COPG2: variants seen among roughly 807,000 people sequenced by gnomAD.
COPG2 encodes coatomer subunit gamma-2.
COPG2 carries 37 observed loss-of-function variants against 46.3 expected under a neutral mutation model. The observed-to-expected ratio is 0.80, with a 90% CI of 0.61 to 1.05. COPG2 has a LOEUF of 1.05. Ranked by LOEUF, COPG2 falls within the 50% of genes least tolerant of loss-of-function variation. The pLI, the probability that COPG2 is intolerant of heterozygous loss-of-function variation, is 0.00. For missense variants in COPG2, 427 were observed against 387.8 expected, an observed-to-expected ratio of 1.10 and a Z score of -0.85; for synonymous variants, 159 against 129.7, an observed-to-expected ratio of 1.23 and a Z score of -1.53.
chr7:130,609,502 T>C (rs1794800321), intron 9 of COPG2, among the ~76,000 whole-genome samples: 1 of 152,256 alleles, frequency 6.6e-6, no homozygotes. Context: ...ATTAAACTTC[T>C]TCCTTTTGTA....
Position 130,550,536 on chromosome 7 carries a change from C to G in COPG2, c.1762G>C (p.Glu588Gln), listed in dbSNP as rs1246401742. The G allele has an allele frequency of 2.6e-6, 1 of 385,056 alleles. No individual in the cohort carries two copies. Among genetic ancestry groups the G allele is most frequent in the Admixed American group, 4.5e-5 (1 of 22,172 alleles). The allele number at this position is 385,056 out of a possible 1,614,324, so 23.9% of individuals were successfully genotyped here. Residue 588 changes from glutamate (E) to glutamine (Q), a missense_variant, in exon 17 of 24, where the codon GAA becomes CAA. Physicochemically the swap from Glu to Gln is conservative, Grantham distance 29 (BLOSUM62 2). Coordinates refer to ENST00000425248, the MANE Select transcript of COPG2 (RefSeq NM_012133.6). ...SIPLAMAPVFEQKAEITLVAT... is the reference protein window; with the variant it reads ...SIPLAMAPVFQQKAEITLVAT... ...GAATAGAGTGAACCTGCTTTCTGTT[C>G]AAAGACAGGAGCCATAGCAAGAGGA...
At chr7:130,660,047 C>G (rs1304766509) in intron 4 of COPG2, among the ~76,000 whole-genome samples, 1 of 152,162 alleles carries the variant, frequency 6.6e-6, no homozygotes, top group Non-Finnish European at 1.5e-5. Context: ...AACTTCAAGA[C>G]AGTAATTACC....
At chr7:130,639,750 G>C (rs1170282368) in intron 5 of COPG2, among the ~76,000 whole-genome samples, 3 of 152,152 alleles carry the variant, frequency 2.0e-5, no homozygotes, top group African/African-American at 7.2e-5. Context: ...TAGTGCTTTG[G>C]TAAATTATCC....
rs148860178 is a variant in COPG2, at chr7:130,661,701, T to C, written c.243+1266A>G. Among the ~76,000 whole-genome samples, 12 of 152,336 alleles carry C rather than the reference T, an allele frequency of 7.9e-5. No individual in the cohort carries two copies. In the East Asian group the frequency reaches 2.3e-3, roughly 29 times the overall value. ...GACCTACAGAAGACAAAGCCTTGGG[T>C]AACTAACTAGTGGATGCCATAGAAG... On this transcript the variant is annotated intron_variant, in intron 4 of 23. Coordinates refer to ENST00000425248, the MANE Select transcript of COPG2 (RefSeq NM_012133.6).
At position 130,644,446 on chromosome 7, in the gene COPG2, C is replaced by T. The variant is rs117474304; in HGVS notation, c.323+8423G>A. ...ACCTAGGAACAAATTCAGGTATGTC[C>T]GGTGAAGATAGGGCTGCTCAAATCA... On this transcript the variant is annotated intron_variant, in intron 5 of 23. Coordinates refer to ENST00000425248, the MANE Select transcript of COPG2 (RefSeq NM_012133.6). Among the ~76,000 whole-genome samples, 161 of 152,190 alleles carry T rather than the reference C, an allele frequency of 1.1e-3. 2 individuals carry two copies. The East Asian group carries it at 0.029, about 27-fold the overall frequency.
chr7:130,593,903 C>T (rs1397437053), intron 9 of COPG2, among the ~76,000 whole-genome samples: 1 of 152,018 alleles, frequency 6.6e-6, no homozygotes, highest in Non-Finnish European at 1.5e-5. Flanking sequence ...AGACACCAAA[C>T]ACATTATTTC....
chr7:130,584,289 T>C (rs1462993141), intron 9 of COPG2, among the ~76,000 whole-genome samples: 4 of 151,960 alleles, frequency 2.6e-5, no homozygotes, highest in East Asian at 1.9e-4. Context: ...CTCAGCAAAA[T>C]TGGTATACAA....
chr7:130,632,667 A>C (rs1795254102), intron 5 of COPG2, among the ~76,000 whole-genome samples: 2 of 150,994 alleles, frequency 1.3e-5, no homozygotes, highest in African/African-American at 4.9e-5. Context: ...GTTGGGATTT[A>C]TTTCTACTGG....
In COPG2 at chr7:130,668,721, G is replaced by A. The variant is rs368717422; in HGVS notation, c.-53C>T. The A allele has an allele frequency of 2.1e-4, 309 of 1,501,862 alleles. 1 individual carries two copies. Among genetic ancestry groups the A allele is most frequent in the Middle Eastern group, 1.7e-4 (1 of 5,820 alleles). The allele number at this position is 1,501,862 out of a possible 1,614,324, so 93.0% of individuals were successfully genotyped here. On this transcript the variant is annotated 5_prime_UTR_variant, in exon 1 of 24. Coordinates refer to ENST00000425248, the MANE Select transcript of COPG2 (RefSeq NM_012133.6). The stretch of plus-strand genomic sequence containing the variant: ...CACCGCAACCGTCCCAGGCGCCGCA[G>A]CCGGCGAGCGGAAGAGGCTGCAGGA...
chr7:130,563,338 T>TA lies in COPG2; in HGVS notation c.872-3dup, dbSNP rs1213133423. 14 of 391,598 alleles carry TA rather than the reference T, an allele frequency of 3.6e-5. No homozygotes were observed. Among genetic ancestry groups the TA allele is most frequent in the Non-Finnish European group, 4.5e-5 (10 of 222,352 alleles). The allele number at this position is 391,598 out of a possible 1,614,324, so 24.3% of individuals were successfully genotyped here. A position where few individuals can be genotyped will look rare whatever the true frequency, so the allele number is the denominator to read the frequency against. On this transcript the variant is annotated splice_region_variant and splice_polypyrimidine_tract_variant and intron_variant, in intron 10 of 23. Transcript: ENST00000425248. ...GAGAACTACAGAAAAGTTGAAGAAC[T>TA]AAAAAAAAATAATAATAATAATATG...
intron 9 of COPG2, among the ~76,000 whole-genome samples, chr7:130,591,607 G>A (rs1350504163): frequency 5.4e-4 from 75 of 138,962 alleles, no homozygotes; most frequent in Non-Finnish European, 1.0e-3. Flanking sequence ...AGGTGGGGGG[G>A]TCAGCCCCGC....
At chr7:130,528,632 G>A (rs991853626) in intron 20 of COPG2, among the ~76,000 whole-genome samples, 117,584 of 150,210 alleles carry the variant, frequency 0.78, 46,478 homozygotes, top group Non-Finnish European at 0.85. Context: ...AAGCAGGAGA[G>A]ACGACCAACC....
intron 9 of COPG2, among the ~76,000 whole-genome samples, chr7:130,585,697 C>G (rs531690059): frequency 6.6e-6 from 1 of 152,062 alleles, no homozygotes; most frequent in South Asian, 2.1e-4. Context: ...TACAAATGAG[C>G]AACGAACATA....
chr7:130,567,697 G>A (rs1793826755), intron 9 of COPG2, among the ~76,000 whole-genome samples: 1 of 152,130 alleles, frequency 6.6e-6, no homozygotes, highest in African/African-American at 2.4e-5. Context: ...CAAGAATTTT[G>A]TATCCAGTGA....
chr7:130,568,215 C>A (rs1158656739), intron 9 of COPG2, among the ~76,000 whole-genome samples: 4 of 152,062 alleles, frequency 2.6e-5, no homozygotes, highest in African/African-American at 9.7e-5. Flanking sequence ...ACGGACGTTG[C>A]GGTGAGCCAA....
chr7:130,618,100 CAAAAAAAA>C (rs10695449), intron 5 of COPG2, among the ~76,000 whole-genome samples: 8 of 64,598 alleles, frequency 1.2e-4, no homozygotes, highest in African/African-American at 4.3e-4. Context: ...GACCCTGTCT[CAAAAAAAA>C]AAAAAAAAAA....
chr7:130,658,676 G>A (rs968358475), intron 4 of COPG2, among the ~76,000 whole-genome samples: 2 of 152,022 alleles, frequency 1.3e-5, no homozygotes, highest in Non-Finnish European at 2.9e-5. Flanking sequence ...TCAGTAAGAT[G>A]ACAACCTGAT....
At position 130,506,748 on chromosome 7, in the gene COPG2, T is replaced by TC. The variant is rs1394581212; in HGVS notation, c.2543dup (p.Val849SerfsTer10). ...TTCTGACAGTCACCTGCATGGTCAC[T>TC]CCATCGGCTAAGGCCAGCCTGGACC... On this transcript the variant is annotated frameshift_variant, in exon 24 of 24. Coordinates refer to ENST00000425248, the MANE Select transcript of COPG2 (RefSeq NM_012133.6). LOFTEE classifies it high-confidence loss of function. 1.3e-6 allele frequency: 1 copy of TC among 780,484 alleles called. No individual in the cohort carries two copies. Among genetic ancestry groups the TC allele is most frequent in the Non-Finnish European group, 2.4e-6 (1 of 417,794 alleles). 48.3% of individuals were successfully genotyped at this position (780,484 alleles called of 1,614,324 possible).
chr7:130,536,687 G>A lies in COPG2; in HGVS notation c.2149+10987C>T, dbSNP rs1051104478. ...GGAGGCATCAGGGTCAAGACTGTCA[G>A]GTGTGGGAACACAGTTCCCGACAGA... On this transcript the variant is annotated intron_variant, in intron 20 of 23. Transcript: ENST00000425248. Among the ~76,000 whole-genome samples the A allele has an allele frequency of 2.0e-5, 3 of 152,172 alleles. No individual in the cohort carries two copies. In the East Asian group the frequency reaches 5.8e-4, roughly 29 times the overall value.
Sources: gnomAD v4.1 joint callset for allele counts (sites outside exome capture counted in the v4.1 genomes callset) on GRCh38, gnomAD v4.1.1 for gene constraint, MANE v1.5 for transcripts, NCBI Gene and HGNC (gene_info 2026-07-23, HGNC 2026-07-21) for gene names.